The following TMIGD3 variants were observed in gnomAD, a reference collection of about 807,000 sequenced individuals.
The protein encoded by TMIGD3 is transmembrane and immunoglobulin domain containing 3, also known as AD026 protein (AD026).
A neutral mutation model predicts 28.1 loss-of-function variants in TMIGD3; 21 were observed. The ratio of observed to expected loss-of-function variants is 0.75; its 90% CI spans 0.53 to 1.08. The LOEUF (loss-of-function observed/expected upper bound fraction) is 1.08, where lower values mean the gene tolerates loss of function less well. Ranked by LOEUF, TMIGD3 falls within the 50% of genes least tolerant of loss-of-function variation. The pLI is 0.00. For synonymous variants in TMIGD3, 151 were observed against 162.1 expected (o/e 0.93, Z 0.52); for missense variants, 416 against 435.6 (o/e 0.96, Z 0.40).
At chr1:111,501,314 A>G (rs1016499398) in intron 1 of TMIGD3, 2 of 152,290 alleles carry the variant, frequency 1.3e-5, no homozygotes, top group Non-Finnish European at 2.9e-5. Flanking sequence ...GGACAGTAAG[A>G]GTAAGAGTCC....
At chr1:111,539,133 T>C (rs1382625655) in intron 1 of TMIGD3, among the ~76,000 whole-genome samples, 1 of 152,180 alleles carries the variant, frequency 6.6e-6, no homozygotes, top group Non-Finnish European at 1.5e-5. Context: ...GGAGTACAAA[T>C]GCAGGTTTGT....
At chr1:111,514,022 A>G (rs1298080525) in intron 1 of TMIGD3, among the ~76,000 whole-genome samples, 1 of 152,194 alleles carries the variant, frequency 6.6e-6, no homozygotes, top group Admixed American at 6.5e-5. Flanking sequence ...AAAACTGCAC[A>G]TAGGCACATG....
intron 3 of TMIGD3, among the ~76,000 whole-genome samples, chr1:111,487,978 T>G (rs1230668950): frequency 2.0e-5 from 3 of 151,988 alleles, no homozygotes; most frequent in Non-Finnish European, 4.4e-5. Context: ...CTAATTTTTG[T>G]ATTTTTTGTA....
chr1:111,488,142 A>G lies in TMIGD3; in HGVS notation c.805+535T>C, dbSNP rs138449495. Among the ~76,000 whole-genome samples, 32 of 152,142 alleles carry G rather than the reference A, an allele frequency of 2.1e-4. No individual in the cohort carries two copies. In the East Asian group the frequency reaches 6.0e-3, roughly 28 times the overall value. ...TATTAAATTATTTAAGTTGACAGTT[A>G]CCAGGCACGTGGGTCATTTTTTGCA... On this transcript the variant is annotated intron_variant, in intron 3 of 5. Transcript: ENST00000369716.
At chr1:111,495,966 G>C (rs1208574491) in intron 1 of TMIGD3, among the ~76,000 whole-genome samples, 1 of 152,096 alleles carries the variant, frequency 6.6e-6, no homozygotes, top group Non-Finnish European at 1.5e-5. Flanking sequence ...ATAAAACATG[G>C]AGAAAAAGAG....
chr1:111,491,946 C>T (rs1475198240), intron 1 of TMIGD3, among the ~76,000 whole-genome samples: 3 of 152,176 alleles, frequency 2.0e-5, no homozygotes, highest in Non-Finnish European at 2.9e-5. Flanking sequence ...AGTCCCCTCC[C>T]ACACTGAATC....
chr1:111,531,885 A>G (rs1364534487), intron 1 of TMIGD3, among the ~76,000 whole-genome samples: 2 of 152,282 alleles, frequency 1.3e-5, no homozygotes, highest in African/African-American at 4.8e-5. Flanking sequence ...GTTTTGGAAC[A>G]TAGTTATGTT....
chr1:111,501,122 T>C (rs1161321692), intron 1 of TMIGD3: 1 of 154,966 alleles, frequency 6.5e-6, no homozygotes, highest in Non-Finnish European at 1.4e-5. Flanking sequence ...CTGCTGTTCT[T>C]GGCACTGTTC....
rs397981230 is a variant in TMIGD3 at position 111,555,362 on chromosome 1, TAAAAAAAAAAAA to T, written c.107+8472_107+8483del. Among the ~76,000 whole-genome samples, 11 of 47,640 alleles carry T rather than the reference TAAAAAAAAAAAA, an allele frequency of 2.3e-4. 1 individual carries two copies. Among genetic ancestry groups the T allele is most frequent in the Admixed American group, 1.3e-3 (4 of 3,084 alleles). 31.3% of individuals were successfully genotyped at this position (47,640 alleles called of 152,430 possible). Reference sequence around the variant, plus strand: ...GCCTGGGTGACAGACTGAGACTCTGTAAAAAAAAAAAAAAAAAAAAAAAAAAAAATTACCAGA... The same window carrying T: ...GCCTGGGTGACAGACTGAGACTCTGTAAAAAAAAAAAAAAAAATTACCAGA... On this transcript the variant is annotated intron_variant, in intron 1 of 5. Coordinates refer to the TMIGD3 transcript ENST00000369717.
At chr1:111,545,216 C>G (rs1656991116) in intron 1 of TMIGD3, among the ~76,000 whole-genome samples, 1 of 152,120 alleles carries the variant, frequency 6.6e-6, no homozygotes, top group African/African-American at 2.4e-5. Context: ...TTTTCCATAG[C>G]AGCTGCACCA....
At chr1:111,543,216 C>G (rs1483765500) in intron 1 of TMIGD3, among the ~76,000 whole-genome samples, 4 of 152,092 alleles carry the variant, frequency 2.6e-5, no homozygotes, top group East Asian at 1.9e-4. Flanking sequence ...GATGAAAGAT[C>G]AAACTACAGT....
At chr1:111,524,811 G>T (rs1390748328) in intron 1 of TMIGD3, among the ~76,000 whole-genome samples, 1 of 152,074 alleles carries the variant, frequency 6.6e-6, no homozygotes, top group Non-Finnish European at 1.5e-5. Flanking sequence ...GTAGAGACAG[G>T]TTTTCACCAT....
chr1:111,504,760 C>G (rs1655419784), upstream of TMIGD3: 1 of 622,374 alleles, frequency 1.6e-6, no homozygotes, highest in Non-Finnish European at 2.0e-6. Context: ...GCCTGGGGCT[C>G]ATCAGGGTCC....
In TMIGD3 at chr1:111,531,013, T is replaced by G. The variant is rs1036295357; in HGVS notation, c.107+32833A>C. Among the ~76,000 whole-genome samples, 8 of 152,252 alleles carry G rather than the reference T, an allele frequency of 5.3e-5. No homozygotes were observed. The South Asian group carries it at 1.2e-3, about 24-fold the overall frequency. ...TCATAGCTTACTCATGCTTTTTCAC[T>G]TTTAAACATTCTTTTAGGCCAGGCA... On this transcript the variant is annotated intron_variant, in intron 1 of 5. Coordinates refer to the TMIGD3 transcript ENST00000369717.
chr1:111,533,701 G>A (rs951669712), intron 1 of TMIGD3, among the ~76,000 whole-genome samples: 8 of 152,026 alleles, frequency 5.3e-5, no homozygotes, highest in Non-Finnish European at 8.8e-5. Flanking sequence ...TTACAGGAGC[G>A]TGCCACCACA....
At chr1:111,490,885 A>T in intron 1 of TMIGD3, 123 bp from the exon 2 acceptor site, 3 of 678,632 alleles carry the variant, frequency 4.4e-6, no homozygotes, top group Non-Finnish European at 7.7e-6. Context: ...ACACTGCACA[A>T]TGCACCATAC....
Position 111,487,219 on chromosome 1 carries a change from T to A in TMIGD3, c.806-567A>T, listed in dbSNP as rs560362183. Reference sequence around the variant, plus strand: ...AGTACGTTCAGGTGGGAACGTTCTCTTGTCTGAGCCTAAGATTCAGGTCAA... The same window carrying A: ...AGTACGTTCAGGTGGGAACGTTCTCATGTCTGAGCCTAAGATTCAGGTCAA... On this transcript the variant is annotated intron_variant, in intron 3 of 5. Transcript: ENST00000369716. Among the ~76,000 whole-genome samples, 3 of 152,340 alleles carry A rather than the reference T, an allele frequency of 2.0e-5. No individual in the cohort carries two copies. In the East Asian group the frequency reaches 5.8e-4, roughly 29 times the overall value.
chr1:111,497,203 C>T (rs1289144017), intron 1 of TMIGD3, among the ~76,000 whole-genome samples: 2 of 152,134 alleles, frequency 1.3e-5, no homozygotes, highest in African/African-American at 2.4e-5. Flanking sequence ...CTCCGCCTCC[C>T]GGGTTCACAC....
intron 1 of TMIGD3, chr1:111,542,578 T>A (rs1489231246): frequency 1.3e-5 from 2 of 159,178 alleles, no homozygotes. Context: ...TGCCCTTTCT[T>A]CTGTGACTTA....
Sources: allele counts gnomAD v4.1 joint callset (sites outside exome capture counted in the v4.1 genomes callset), GRCh38; gene constraint gnomAD v4.1.1; transcripts MANE v1.5; gene names NCBI Gene and HGNC (gene_info 2026-07-23, HGNC 2026-07-21).